The following ARMC3 variants were observed in gnomAD, a reference collection of about 807,000 sequenced individuals.
The protein encoded by ARMC3 is armadillo repeat-containing protein 3.
Under a neutral mutation model 90.3 loss-of-function variants are expected in ARMC3, and 74 were observed. The observed-to-expected ratio is 0.82, with a 90% CI of 0.68 to 0.99. The LOEUF is 0.99. Ranked by LOEUF, ARMC3 falls within the 50% of genes least tolerant of loss-of-function variation. ARMC3 has a pLI of 0.00. For missense variants in ARMC3, 958 were observed against 1,042.8 expected, an observed-to-expected ratio of 0.92 and a Z score of 1.12; for synonymous variants, 334 against 361.8, an observed-to-expected ratio of 0.92 and a Z score of 0.87.
chr10:22,960,949 C>T (rs7100326), intron 6 of ARMC3: 15,956 of 152,214 alleles, frequency 0.1, 986 homozygotes, highest in African/African-American at 0.17. Context: ...ACACTAATTG[C>T]ACAAGGACAC....
intron 8 of ARMC3, among the ~76,000 whole-genome samples, chr10:22,980,785 G>T (rs142098524): frequency 2.0e-5 from 3 of 152,010 alleles, no homozygotes; most frequent in African/African-American, 7.2e-5. Context: ...AGTATGTATT[G>T]TCATTTGAGA....
intron 8 of ARMC3, among the ~76,000 whole-genome samples, chr10:22,970,989 C>T (rs1588861642): frequency 6.6e-6 from 1 of 152,270 alleles, no homozygotes; most frequent in Non-Finnish European, 1.5e-5. Flanking sequence ...TGCTGTCCAT[C>T]CACAGAAATC....
intron 13 of ARMC3, among the ~76,000 whole-genome samples, chr10:23,005,836 C>G (rs1271632197): frequency 6.6e-6 from 1 of 151,764 alleles, no homozygotes; most frequent in Non-Finnish European, 1.5e-5. Context: ...TGTACTCCAG[C>G]CTGGGCAACA....
At chr10:22,982,816 T>C (rs1836252565) in intron 10 of ARMC3, among the ~76,000 whole-genome samples, 1 of 152,200 alleles carries the variant, frequency 6.6e-6, no homozygotes, top group African/African-American at 2.4e-5. Context: ...TTGAACTAAA[T>C]CTCCCTCTGC....
At chr10:22,983,610 T>C (rs1836284501) in intron 10 of ARMC3, among the ~76,000 whole-genome samples, 1 of 152,198 alleles carries the variant, frequency 6.6e-6, no homozygotes, top group Non-Finnish European at 1.5e-5. Context: ...TGAATATTCC[T>C]TGAGGTCTAT....
intron 7 of ARMC3, among the ~76,000 whole-genome samples, chr10:22,963,797 G>A (rs1277726197): frequency 1.3e-5 from 2 of 151,302 alleles, no homozygotes; most frequent in African/African-American, 4.9e-5. Flanking sequence ...GGCTGAGGCA[G>A]AAGAATCACT....
chr10:23,031,905 A>G (rs1289062366), intron 17 of ARMC3, among the ~76,000 whole-genome samples: 13 of 151,918 alleles, frequency 8.6e-5, no homozygotes, highest in Non-Finnish European at 7.4e-5. Flanking sequence ...CTTTTTTTAA[A>G]TCATTGTTCT....
chr10:22,954,896 T>C (rs1008056673), intron 3 of ARMC3, among the ~76,000 whole-genome samples: 2 of 152,020 alleles, frequency 1.3e-5, no homozygotes, highest in African/African-American at 4.8e-5. Flanking sequence ...CCCACGACAA[T>C]ACCATGTGCA....
At chr10:22,946,067 G>A in intron 2 of ARMC3, 77 bp from the exon 3 acceptor site, 1 of 1,072,212 alleles carries the variant, frequency 9.3e-7, no homozygotes, top group East Asian at 2.4e-5. Flanking sequence ...TTTTCTTTAA[G>A]TTTTAAGACC....
At chr10:22,990,988 G>T (rs984709302) in intron 10 of ARMC3, among the ~76,000 whole-genome samples, 4 of 150,570 alleles carry the variant, frequency 2.7e-5, no homozygotes, top group African/African-American at 9.8e-5. Flanking sequence ...TGCTTCCTCT[G>T]CCTCCTCCTC....
chr10:23,036,978 G>GA (rs1448114224), intron 18 of ARMC3, among the ~76,000 whole-genome samples: 1 of 152,210 alleles, frequency 6.6e-6, no homozygotes, highest in Non-Finnish European at 1.5e-5. Flanking sequence ...AGAGTGCACA[G>GA]AATAGCTTTT....
chr10:22,954,306 T>C (rs537903334), intron 3 of ARMC3, among the ~76,000 whole-genome samples: 1 of 152,306 alleles, frequency 6.6e-6, no homozygotes, highest in South Asian at 2.1e-4. Flanking sequence ...TCTCACAATT[T>C]GTAGAATATC....
intron 4 of ARMC3, among the ~76,000 whole-genome samples, chr10:22,957,251 C>T (rs1301084277): frequency 6.6e-6 from 1 of 152,118 alleles, no homozygotes; most frequent in Non-Finnish European, 1.5e-5. Flanking sequence ...CCTTGTCCAG[C>T]AGGGATTGTG....
intron 15 of ARMC3, 79 bp downstream of exon 15, chr10:23,008,453 T>A: frequency 1.3e-6 from 1 of 788,650 alleles, no homozygotes; most frequent in Non-Finnish European, 2.1e-6. Context: ...AGATTTTAGA[T>A]TGGGGCAACT....
chr10:23,014,821 A>G (rs1838194077), intron 16 of ARMC3, among the ~76,000 whole-genome samples: 1 of 142,430 alleles, frequency 7.0e-6, no homozygotes, highest in African/African-American at 2.6e-5. Flanking sequence ...AGGGTGGAGG[A>G]GGGAGAGGAT....
chr10:22,981,687 C>G lies in ARMC3; in HGVS notation c.1162C>G (p.Pro388Ala), dbSNP rs1836198301. 1 of 1,613,374 alleles carries G rather than the reference C, an allele frequency of 6.2e-7. No individual in the cohort carries two copies. Among genetic ancestry groups the G allele is most frequent in the South Asian group, 1.1e-5 (1 of 90,908 alleles). The change falls in exon 10 of 19, where the codon CCT (proline) becomes GCT (alanine). Residue 388 changes from proline (P) to alanine (A), a missense_variant. Pro to Ala is a conservative substitution (Grantham distance 27). Coordinates refer to ENST00000298032, the MANE Select transcript of ARMC3 (RefSeq NM_173081.5). ...LALANLTTCN[P>A]ANANAAAEAD... ...CCTGGCAAACCTAACCACTTGCAAC[C>G]CTGCTAATGCAAAGTAAGTTCAGAG...
intron 7 of ARMC3, among the ~76,000 whole-genome samples, chr10:22,965,756 T>G (rs1422121039): frequency 6.6e-6 from 1 of 152,230 alleles, no homozygotes; most frequent in African/African-American, 2.4e-5. Flanking sequence ...TCTGTTCAAT[T>G]TATGCAATTT....
At chr10:23,027,021 C>G (rs1301556666) in intron 16 of ARMC3, among the ~76,000 whole-genome samples, 1 of 152,190 alleles carries the variant, frequency 6.6e-6, no homozygotes, top group Non-Finnish European at 1.5e-5. Context: ...ATTACTGTAG[C>G]TATATAGTAA....
chr10:23,028,901 C>T (rs1838816809), intron 16 of ARMC3, among the ~76,000 whole-genome samples: 1 of 152,164 alleles, frequency 6.6e-6, no homozygotes, highest in Non-Finnish European at 1.5e-5. Flanking sequence ...TTTCCATAAT[C>T]TTCCTTGCTT....
Sources: allele counts gnomAD v4.1 joint callset (sites outside exome capture counted in the v4.1 genomes callset), GRCh38; gene constraint gnomAD v4.1.1; transcripts MANE v1.5; gene names NCBI Gene and HGNC (gene_info 2026-07-23, HGNC 2026-07-21).